Variants in TMEM163 observed in about 807,000 individuals in gnomAD.
The protein encoded by TMEM163 is transmembrane protein 163.
TMEM163 carries 17 observed loss-of-function variants against 29.3 expected under a neutral mutation model. The ratio of observed to expected loss-of-function variants is 0.58; its 90% confidence interval spans 0.40 to 0.87. TMEM163 has a LOEUF of 0.87. Ranked by LOEUF, TMEM163 falls within the 40% of genes least tolerant of loss-of-function variation. The pLI, the probability that TMEM163 is intolerant of heterozygous loss-of-function variation, is 0.00. For synonymous variants in TMEM163, 157 were observed against 160.6 expected (o/e 0.98, Z 0.17); for missense variants, 303 against 381.5 (o/e 0.79, Z 1.71).
intron 2 of TMEM163, among the ~76,000 whole-genome samples, chr2:134,605,216 C>CT (rs1682326588): frequency 6.6e-6 from 1 of 151,524 alleles, no homozygotes. Context: ...TCATCCACTG[C>CT]TGGCTCAACC....
intron 2 of TMEM163, among the ~76,000 whole-genome samples, chr2:134,656,471 C>T (rs1024977791): frequency 6.6e-6 from 1 of 152,064 alleles, no homozygotes; most frequent in Non-Finnish European, 1.5e-5. Flanking sequence ...GAGAGAAACC[C>T]GGTACCTCAG....
chr2:134,661,193 G>A lies in TMEM163; in HGVS notation c.322+52007C>T, dbSNP rs993409141. 2.0e-5 allele frequency among the ~76,000 whole-genome samples: 3 copies of A among 151,102 alleles called. No homozygotes were observed. In the South Asian group the frequency reaches 6.3e-4, roughly 31 times the overall value. On this transcript the variant is annotated intron_variant, in intron 2 of 7. Transcript: ENST00000281924. Reference sequence around the variant, plus strand: ...TCTCTCTCTCTCTCTCCCATGAGATGTGAAAGAGAAGGCATGTGATGCCTT... The same window carrying A: ...TCTCTCTCTCTCTCTCCCATGAGATATGAAAGAGAAGGCATGTGATGCCTT...
At chr2:134,675,860 T>A (rs1684103388) in intron 2 of TMEM163, among the ~76,000 whole-genome samples, 1 of 152,140 alleles carries the variant, frequency 6.6e-6, no homozygotes, top group Non-Finnish European at 1.5e-5. Context: ...CCACAGAGCA[T>A]AACTCCCCCA....
At chr2:134,513,268 C>T (rs549816307) in intron 4 of TMEM163, among the ~76,000 whole-genome samples, 45 of 152,208 alleles carry the variant, frequency 3.0e-4, no homozygotes, top group African/African-American at 1.0e-3. Context: ...CAGCTGTGGA[C>T]GCAGTAAGTG....
At chr2:134,605,528 T>C (rs1474960457) in intron 2 of TMEM163, among the ~76,000 whole-genome samples, 1 of 151,798 alleles carries the variant, frequency 6.6e-6, no homozygotes, top group Non-Finnish European at 1.5e-5. Flanking sequence ...TGAAACCCCG[T>C]CTCTACTAAA....
At position 134,696,076 on chromosome 2, in the gene TMEM163, A is replaced by ATTCT. The variant is rs1684575703; in HGVS notation, c.322+17120_322+17123dup. Among the ~76,000 whole-genome samples, 6 of 151,722 alleles carry ATTCT rather than the reference A, an allele frequency of 4.0e-5. No homozygotes were observed. In the South Asian group the frequency reaches 1.3e-3, roughly 32 times the overall value. ...CAAAAAAAAAAAAAAAAAGGTTTAAATTCTTTCTTTTCAGGTTTAGTTTCT... is the reference window on the plus strand; with the variant it reads ...CAAAAAAAAAAAAAAAAAGGTTTAAATTCTTTCTTTCTTTTCAGGTTTAGTTTCT... On this transcript the variant is annotated intron_variant, in intron 2 of 7. Coordinates refer to ENST00000281924, the MANE Select transcript of TMEM163 (RefSeq NM_030923.5).
intron 2 of TMEM163, among the ~76,000 whole-genome samples, chr2:134,559,876 C>A (rs1038838322): frequency 2.0e-5 from 3 of 152,148 alleles, no homozygotes; most frequent in African/African-American, 7.2e-5. Context: ...CAGCGACTGT[C>A]ATTCATCCCT....
intron 4 of TMEM163, among the ~76,000 whole-genome samples, chr2:134,523,741 G>A (rs186429935): frequency 2.0e-5 from 3 of 152,286 alleles, no homozygotes; most frequent in South Asian, 4.1e-4. Flanking sequence ...ACAGAGAAAC[G>A]GGAAGTGGGG....
At chr2:134,516,754 AATAG>A (rs1162604410) in intron 4 of TMEM163, among the ~76,000 whole-genome samples, 2 of 79,438 alleles carry the variant, frequency 2.5e-5, no homozygotes, top group African/African-American at 1.2e-4. Flanking sequence ...TATATATATG[AATAG>A]ATATATATGT....
chr2:134,552,829 T>C (rs972801023), intron 2 of TMEM163, among the ~76,000 whole-genome samples: 1 of 151,838 alleles, frequency 6.6e-6, no homozygotes, highest in African/African-American at 2.4e-5. Context: ...ACCCAGCTAA[T>C]TTTTATTTTT....
At chr2:134,627,944 T>C (rs1282178068) in intron 2 of TMEM163, among the ~76,000 whole-genome samples, 1 of 152,212 alleles carries the variant, frequency 6.6e-6, no homozygotes. Flanking sequence ...TATAAAAATG[T>C]ATAATCTATC....
chr2:134,629,812 C>T (rs1015703476), intron 2 of TMEM163, among the ~76,000 whole-genome samples: 1 of 152,112 alleles, frequency 6.6e-6, no homozygotes, highest in African/African-American at 2.4e-5. Flanking sequence ...ATTCAGAATT[C>T]GTGATTTCAA....
chr2:134,639,739 C>T (rs1484904054), intron 2 of TMEM163, among the ~76,000 whole-genome samples: 2 of 152,104 alleles, frequency 1.3e-5, no homozygotes, highest in South Asian at 2.1e-4. Flanking sequence ...CCACTCTTTC[C>T]GAGGCCCAGC....
At chr2:134,463,356 G>A (rs1428203389) in intron 6 of TMEM163, among the ~76,000 whole-genome samples, 1 of 152,218 alleles carries the variant, frequency 6.6e-6, no homozygotes, top group Non-Finnish European at 1.5e-5. Flanking sequence ...GGAAAGAAGG[G>A]CTCCATGGCC....
intron 5 of TMEM163, among the ~76,000 whole-genome samples, chr2:134,481,176 T>G (rs1307338891): frequency 6.6e-6 from 1 of 152,194 alleles, no homozygotes; most frequent in Non-Finnish European, 1.5e-5. Context: ...AGCTGTTGAT[T>G]CTGTATCATC....
At chr2:134,485,408 C>A (rs1010877788) in intron 5 of TMEM163, among the ~76,000 whole-genome samples, 1 of 152,184 alleles carries the variant, frequency 6.6e-6, no homozygotes, top group Admixed American at 6.5e-5. Flanking sequence ...AAATCCTAAG[C>A]GGAACCATCG....
intron 2 of TMEM163, among the ~76,000 whole-genome samples, chr2:134,683,685 C>A (rs975889797): frequency 2.0e-5 from 3 of 152,186 alleles, no homozygotes; most frequent in African/African-American, 7.2e-5. Flanking sequence ...CCACCACAGA[C>A]CCTGGCTCAA....
chr2:134,679,496 G>T (rs1407577919), intron 2 of TMEM163, among the ~76,000 whole-genome samples: 2 of 152,194 alleles, frequency 1.3e-5, no homozygotes, highest in African/African-American at 4.8e-5. Context: ...GCCCCTGTGA[G>T]AATTTACACT....
chr2:134,478,095 T>G (rs962933789), intron 5 of TMEM163, among the ~76,000 whole-genome samples: 1 of 152,212 alleles, frequency 6.6e-6, no homozygotes, highest in African/African-American at 2.4e-5. Context: ...GCTCTCACCG[T>G]GTGATTCCTT....
Sources: gnomAD v4.1 joint callset for allele counts (sites outside exome capture counted in the v4.1 genomes callset) on GRCh38, gnomAD v4.1.1 for gene constraint, MANE v1.5 for transcripts, NCBI Gene and HGNC (gene_info 2026-07-23, HGNC 2026-07-21) for gene names.